The following DLGAP2 variants were observed in gnomAD, a reference collection of about 807,000 sequenced individuals.
The protein encoded by DLGAP2 is disks large-associated protein 2.
DLGAP2 carries 26 observed loss-of-function variants against 100.3 expected under a neutral mutation model. That is an observed-to-expected ratio of 0.26 (90% confidence interval 0.19 to 0.36). DLGAP2 has a LOEUF of 0.36. DLGAP2 is among the 10% of genes least tolerant of loss of function. DLGAP2 has a pLI of 1.00. For missense variants in DLGAP2, 1,858 were observed against 1,453.2 expected (o/e 1.28, Z -4.53); for synonymous variants, 886 against 630.1 (o/e 1.41, Z -6.08).
chr8:1,364,507 G>GGC (rs1554452286), intron 3 of DLGAP2, among the ~76,000 whole-genome samples: 25 of 149,898 alleles, frequency 1.7e-4, no homozygotes, highest in Admixed American at 1.3e-3. Context: ...AAGGGCGGGG[G>GGC]GGGTGCAGCG....
chr8:1,033,602 A>T (rs1802034367), intron 2 of DLGAP2, among the ~76,000 whole-genome samples: 1 of 152,174 alleles, frequency 6.6e-6, no homozygotes, highest in South Asian at 2.1e-4. Context: ...TAGGATGCGG[A>T]GGTTGCAGTG....
chr8:1,120,476 T>C (rs1381796027), intron 2 of DLGAP2, among the ~76,000 whole-genome samples: 3 of 152,160 alleles, frequency 2.0e-5, no homozygotes, highest in African/African-American at 7.2e-5. Context: ...ACCACCTTTC[T>C]GCTACTTTCA....
intron 3 of DLGAP2, among the ~76,000 whole-genome samples, chr8:1,440,835 C>A (rs963463930): frequency 3.3e-5 from 5 of 152,196 alleles, no homozygotes; most frequent in African/African-American, 4.8e-5. Flanking sequence ...ATTCCAGCAA[C>A]CACGGAACTC....
intron 3 of DLGAP2, among the ~76,000 whole-genome samples, chr8:1,348,710 G>A (rs1227510461): frequency 1.3e-5 from 2 of 152,202 alleles, no homozygotes; most frequent in African/African-American, 4.8e-5. Flanking sequence ...TCTCATGGCC[G>A]CTGTGCGGAG....
At chr8:1,673,709 C>T (rs918188178) in intron 10 of DLGAP2, among the ~76,000 whole-genome samples, 1 of 152,122 alleles carries the variant, frequency 6.6e-6, no homozygotes, top group African/African-American at 2.4e-5. Flanking sequence ...TTGGGTGTCC[C>T]CTCTTTGAAA....
intron 3 of DLGAP2, among the ~76,000 whole-genome samples, chr8:1,360,453 T>C (rs1801958090): frequency 1.5e-5 from 2 of 136,616 alleles, no homozygotes; most frequent in East Asian, 4.6e-4. Context: ...TTTTGCCCAC[T>C]CCAGGAAGCA....
intron 2 of DLGAP2, among the ~76,000 whole-genome samples, chr8:1,054,247 C>A (rs770180213): frequency 4.6e-5 from 7 of 151,960 alleles, no homozygotes; most frequent in Non-Finnish European, 8.8e-5. Context: ...CATGTACACA[C>A]ACGTACACAC....
chr8:776,215 A>G (rs1821511756), intron 1 of DLGAP2, among the ~76,000 whole-genome samples: 1 of 151,430 alleles, frequency 6.6e-6, no homozygotes, highest in Non-Finnish European at 1.5e-5. Context: ...ATCATTTTTT[A>G]TTGCGTCTAT....
At chr8:1,459,706 G>A (rs1454163681) in intron 3 of DLGAP2, among the ~76,000 whole-genome samples, 2 of 86,026 alleles carry the variant, frequency 2.3e-5, no homozygotes, top group Admixed American at 1.4e-4. Flanking sequence ...TTTTTTTTGA[G>A]ATGGAGTCTT....
At chr8:752,874 TG>T (rs1820827216) in intron 1 of DLGAP2, among the ~76,000 whole-genome samples, 1 of 152,138 alleles carries the variant, frequency 6.6e-6, no homozygotes, top group African/African-American at 2.4e-5. Context: ...AGGCGACCTC[TG>T]GGGTCCTCAG....
chr8:1,450,570 T>C (rs1256408984), intron 3 of DLGAP2, among the ~76,000 whole-genome samples: 1 of 152,032 alleles, frequency 6.6e-6, no homozygotes, highest in Non-Finnish European at 1.5e-5. Context: ...GGACTCGCCT[T>C]TCTGTGAACC....
At chr8:1,210,329 G>A (rs2116783838) in intron 2 of DLGAP2, among the ~76,000 whole-genome samples, 1 of 147,686 alleles carries the variant, frequency 6.8e-6, no homozygotes. Flanking sequence ...AAGGGCATGT[G>A]TCCAGGGCCA....
In DLGAP2 at chr8:844,927, A is replaced by G. The variant is rs192692832; in HGVS notation, c.19-62985A>G. Among the ~76,000 whole-genome samples the G allele has an allele frequency of 2.0e-3, 299 of 152,346 alleles. 3 individuals are homozygous for G. The highest frequency in any genetic ancestry group is 7.0e-3 in the African/African-American group (290 of 41,586). On this transcript the variant is annotated intron_variant, in intron 1 of 14. Coordinates refer to ENST00000637795, the MANE Select transcript of DLGAP2 (RefSeq NM_001346810.2). ...GGACATTTCGTGTAAACAGAATCAT[A>G]CAATATATGGACTTCTGTGACTGAC...
At chr8:1,412,256 G>A (rs6558467) in intron 3 of DLGAP2, among the ~76,000 whole-genome samples, 1 of 152,038 alleles carries the variant, frequency 6.6e-6, no homozygotes, top group Non-Finnish European at 1.5e-5. Context: ...TGCTCTGAGC[G>A]CTAGACTCTG....
chr8:1,554,595 T>G (rs910018086), intron 5 of DLGAP2, among the ~76,000 whole-genome samples: 1 of 152,172 alleles, frequency 6.6e-6, no homozygotes, highest in Admixed American at 6.5e-5. Context: ...GTCCTGTCTT[T>G]GTCCCGCTTT....
At chr8:1,197,674 GCT>G (rs1248189890) in intron 2 of DLGAP2, among the ~76,000 whole-genome samples, 85 of 66,438 alleles carry the variant, frequency 1.3e-3, no homozygotes, top group African/African-American at 7.6e-3. Context: ...TGGGCCACCA[GCT>G]GTCCATATAA....
At chr8:1,081,511 C>T (rs542345231) in intron 2 of DLGAP2, among the ~76,000 whole-genome samples, 1 of 152,228 alleles carries the variant, frequency 6.6e-6, no homozygotes, top group South Asian at 2.1e-4. Context: ...GTCACCACGC[C>T]CAGCTAAATT....
intron 1 of DLGAP2, among the ~76,000 whole-genome samples, chr8:762,496 T>A (rs1359531126): frequency 1.3e-5 from 2 of 152,072 alleles, no homozygotes; most frequent in African/African-American, 2.4e-5. Flanking sequence ...AGTGTCAAAT[T>A]TGTTCACGTA....
In DLGAP2 at chr8:1,700,907, G is replaced by A. The variant is rs567400290; in HGVS notation, c.2950-281G>A. Among the ~76,000 whole-genome samples, 238 of 152,370 alleles carry A rather than the reference G, an allele frequency of 1.6e-3. 2 individuals carry two copies. Among genetic ancestry groups the A allele is most frequent in the African/African-American group, 5.4e-3 (226 of 41,598 alleles). On this transcript the variant is annotated intron_variant, in intron 14 of 14. Transcript: ENST00000637795. ...CGCAGTGACTGCAGAGACGCAAGGTGCGAATCTGCAGAATTTCTTTCCTGA... is the reference window on the plus strand; with the variant it reads ...CGCAGTGACTGCAGAGACGCAAGGTACGAATCTGCAGAATTTCTTTCCTGA...
Sources: allele counts gnomAD v4.1 joint callset (sites outside exome capture counted in the v4.1 genomes callset), GRCh38; gene constraint gnomAD v4.1.1; transcripts MANE v1.5; gene names NCBI Gene and HGNC (gene_info 2026-07-23, HGNC 2026-07-21).